Variants in STT3B observed in about 807,000 individuals in gnomAD.
The protein encoded by STT3B is dolichyl-diphosphooligosaccharide--protein glycosyltransferase subunit STT3B.
In STT3B, 29 loss-of-function variants were observed where a neutral mutation model predicts 96.8. The ratio of observed to expected loss-of-function variants is 0.30; its 90% CI spans 0.22 to 0.41. The LOEUF is 0.41. Among genes scored for constraint, STT3B ranks in the 10% least tolerant of loss-of-function variants. STT3B has a pLI of 1.00. For synonymous variants in STT3B, 367 were observed against 360.0 expected, an observed-to-expected ratio of 1.02 and a Z score of -0.22; for missense variants, 640 against 1,022.3, an observed-to-expected ratio of 0.63 and a Z score of 5.10.
At chr3:31,626,266 T>A in intron 13 of STT3B, 139 bp downstream of exon 13, 1 of 760,614 alleles carries the variant, frequency 1.3e-6, no homozygotes, top group Non-Finnish European at 2.0e-6. Flanking sequence ...TACTATTTAT[T>A]AAAGATAGTA....
rs1245273454 is a variant in STT3B, at chr3:31,622,079, G to C, written c.1328-18G>C. 1.9e-6 allele frequency: 3 copies of C among 1,606,392 alleles called. No homozygotes were observed. The highest frequency in any genetic ancestry group is 2.7e-5 in the African/African-American group (2 of 74,756). ...ACTTTTTCCCTCCAACATATTGTAA[G>C]AGAATTTGTCTTTGCAGTTGCTCTA... is the stretch of plus-strand genomic sequence containing the variant. On this transcript the variant is annotated intron_variant, in intron 9 of 15. Coordinates refer to ENST00000295770, the MANE Select transcript of STT3B (RefSeq NM_178862.3).
In STT3B at chr3:31,637,278, T is replaced by C. The variant is rs1016800351; in HGVS notation, c.*1214T>C. On this transcript the variant is annotated 3_prime_UTR_variant, in exon 16 of 16. Coordinates refer to ENST00000295770, the MANE Select transcript of STT3B (RefSeq NM_178862.3). ...CCACAGGATATAACTTTTTTTTATA[T>C]AACAAGCATAACACACCACTGCTTT... 4 of 152,200 alleles carry C rather than the reference T, an allele frequency of 2.6e-5. No homozygotes were observed. Among genetic ancestry groups the C allele is most frequent in the Non-Finnish European group, 5.9e-5 (4 of 68,014 alleles). The allele number at this position is 152,200 out of a possible 1,614,324, so 9.4% of individuals were successfully genotyped here.
At chr3:31,561,908 A>T (rs1697888557) in intron 1 of STT3B, among the ~76,000 whole-genome samples, 2 of 151,956 alleles carry the variant, frequency 1.3e-5, no homozygotes, top group African/African-American at 4.8e-5. Context: ...TGTAAACAGC[A>T]TTAGTGTGTC....
chr3:31,611,204 A>C (rs1033853250), intron 5 of STT3B, among the ~76,000 whole-genome samples: 1 of 152,186 alleles, frequency 6.6e-6, no homozygotes, highest in African/African-American at 2.4e-5. Context: ...TTCGAAGTCC[A>C]TGTCAAGAAA....
At chr3:31,582,151 A>AT (rs147317032) in intron 3 of STT3B, among the ~76,000 whole-genome samples, 4,060 of 151,800 alleles carry the variant, frequency 0.027, 183 homozygotes, top group African/African-American at 0.093. Context: ...GGTTTCATTG[A>AT]TTTTTTTCTG....
intron 6 of STT3B, 91 bp from the exon 7 acceptor site, chr3:31,616,838 C>T (rs945827768): frequency 3.6e-5 from 41 of 1,140,212 alleles, no homozygotes; most frequent in Non-Finnish European, 4.9e-5. Flanking sequence ...ATGAATGGTG[C>T]AGGACATTCT....
chr3:31,627,395 G>A (rs1196756606), intron 13 of STT3B, among the ~76,000 whole-genome samples: 4 of 152,194 alleles, frequency 2.6e-5, no homozygotes, highest in Non-Finnish European at 4.4e-5. Flanking sequence ...TCCGCCATCC[G>A]TGGAAAAATT....
At chr3:31,563,938 T>C (rs1329039274) in intron 1 of STT3B, among the ~76,000 whole-genome samples, 1 of 152,166 alleles carries the variant, frequency 6.6e-6, no homozygotes, top group Non-Finnish European at 1.5e-5. Context: ...CCCGAGTAGC[T>C]GACTGCAGCA....
chr3:31,617,296 GA>G lies in STT3B; in HGVS notation c.1123+231del, dbSNP rs113636660. On this transcript the variant is annotated intron_variant, in intron 7 of 15. Coordinates refer to ENST00000295770, the MANE Select transcript of STT3B (RefSeq NM_178862.3). ...GATGAATAGTCCCAAACTATAAAAAGAAAAAAAAAATCAGAGCTTCTGTTAT... is the reference window on the plus strand; with the variant it reads ...GATGAATAGTCCCAAACTATAAAAAGAAAAAAAAATCAGAGCTTCTGTTAT... Among the ~76,000 whole-genome samples the G allele has an allele frequency of 5.9e-5, 8 of 134,978 alleles. No individual in the cohort carries two copies. In the East Asian group the frequency reaches 6.3e-4, roughly 11 times the overall value. 88.6% of individuals were successfully genotyped at this position (134,978 alleles called of 152,430 possible). A position where few individuals can be genotyped will look rare whatever the true frequency, so the allele number is the denominator to read the frequency against.
At chr3:31,592,419 G>C (rs1200647187) in intron 3 of STT3B, among the ~76,000 whole-genome samples, 1 of 152,046 alleles carries the variant, frequency 6.6e-6, no homozygotes, top group East Asian at 1.9e-4. Context: ...CTCTCTCCAA[G>C]ACCTTGCTTT....
intron 13 of STT3B, among the ~76,000 whole-genome samples, chr3:31,627,905 A>T (rs1241583381): frequency 1.3e-5 from 2 of 150,032 alleles, no homozygotes; most frequent in East Asian, 3.9e-4. Context: ...TAATACACTC[A>T]TATGGTTCAA....
At chr3:31,541,276 C>A (rs1697257772) in intron 1 of STT3B, among the ~76,000 whole-genome samples, 1 of 152,134 alleles carries the variant, frequency 6.6e-6, no homozygotes, top group Non-Finnish European at 1.5e-5. Flanking sequence ...AGATCAAGAT[C>A]ATTGCCACTA....
intron 13 of STT3B, among the ~76,000 whole-genome samples, chr3:31,627,081 T>C (rs1159699517): frequency 6.6e-6 from 1 of 152,138 alleles, no homozygotes. Flanking sequence ...CTCACATCTG[T>C]ACTCATCACC....
chr3:31,571,851 T>A lies in STT3B; in HGVS notation c.315-4545T>A, dbSNP rs1219616697. The stretch of plus-strand genomic sequence containing the variant: ...AATAATCAGACTATGCTTTGTTTAG[T>A]AACAACTCAATCTGTAACATAAGTT... On this transcript the variant is annotated intron_variant, in intron 1 of 15. Transcript: ENST00000295770. Among the ~76,000 whole-genome samples the A allele has an allele frequency of 2.7e-5, 4 of 150,882 alleles. No individual in the cohort carries two copies. The South Asian group carries it at 6.2e-4, about 23-fold the overall frequency.
At chr3:31,592,865 A>G (rs1234984519) in intron 3 of STT3B, among the ~76,000 whole-genome samples, 4 of 152,304 alleles carry the variant, frequency 2.6e-5, no homozygotes, top group African/African-American at 9.6e-5. Context: ...AATGAAGGGG[A>G]AAAAAGTGCC....
intron 2 of STT3B, among the ~76,000 whole-genome samples, chr3:31,578,740 T>C (rs1575423391): frequency 6.6e-6 from 1 of 152,210 alleles, no homozygotes; most frequent in Non-Finnish European, 1.5e-5. Flanking sequence ...TTTGTGCCAG[T>C]TATTTTTCTG....
intron 5 of STT3B, among the ~76,000 whole-genome samples, chr3:31,613,872 G>A (rs572833509): frequency 6.6e-6 from 1 of 152,096 alleles, no homozygotes; most frequent in African/African-American, 2.4e-5. Flanking sequence ...AACGTTATCT[G>A]ATGGATTATG....
intron 5 of STT3B, among the ~76,000 whole-genome samples, chr3:31,611,055 A>G (rs1699169230): frequency 6.6e-6 from 1 of 152,224 alleles, no homozygotes; most frequent in Non-Finnish European, 1.5e-5. Context: ...AGAAAATTGT[A>G]ATAGATGGGT....
At chr3:31,618,270 A>G (rs933064084) in intron 8 of STT3B, among the ~76,000 whole-genome samples, 2 of 109,872 alleles carry the variant, frequency 1.8e-5, no homozygotes, top group Admixed American at 1.1e-4. Flanking sequence ...TGTGCAATTT[A>G]AAGATTGATT....
Sources: allele counts gnomAD v4.1 joint callset (sites outside exome capture counted in the v4.1 genomes callset), GRCh38; gene constraint gnomAD v4.1.1; transcripts MANE v1.5; gene names NCBI Gene and HGNC (gene_info 2026-07-23, HGNC 2026-07-21).